Variants in MLLT10 observed in about 807,000 individuals in gnomAD.
MLLT10 encodes the protein MLLT10 histone lysine methyltransferase DOT1L cofactor.
Under a neutral mutation model 129.1 loss-of-function variants are expected in MLLT10, and 30 were observed. That is an observed-to-expected ratio of 0.23 (90% CI 0.17 to 0.32). The LOEUF (loss-of-function observed/expected upper bound fraction) is 0.32, where lower values mean the gene tolerates loss of function less well. Among genes scored for constraint, MLLT10 ranks in the 10% least tolerant of loss-of-function variants. MLLT10 has a pLI of 1.00. For synonymous variants in MLLT10, 490 were observed against 446.4 expected (o/e 1.10, Z -1.23); for missense variants, 1,119 against 1,268.3 (o/e 0.88, Z 1.79).
chr10:21,582,892 C>T (rs2041621191), intron 3 of MLLT10, among the ~76,000 whole-genome samples: 1 of 152,134 alleles, frequency 6.6e-6, no homozygotes, highest in South Asian at 2.1e-4. Flanking sequence ...TCTATGTAGG[C>T]TGGGTGAGGT....
intron 3 of MLLT10, among the ~76,000 whole-genome samples, chr10:21,573,033 A>G (rs1318188100): frequency 6.6e-6 from 1 of 152,174 alleles, no homozygotes; most frequent in Non-Finnish European, 1.5e-5. Flanking sequence ...GAATTTTTGT[A>G]TATTGACCTG....
rs565810628 is a variant in MLLT10 at position 21,695,716 on chromosome 10, G to C, written c.1699+13459G>C. Among the ~76,000 whole-genome samples the C allele has an allele frequency of 1.2e-4, 19 of 152,124 alleles. No individual in the cohort carries two copies. In the South Asian group the frequency reaches 4.0e-3, roughly 32 times the overall value. On this transcript the variant is annotated intron_variant, in intron 13 of 22. Transcript: ENST00000307729. ...TTGGATTGTGAACTTAAGTTTTATC[G>C]TGGGTTAAGGATATATCCCTTCAGA...
intron 3 of MLLT10, chr10:21,551,771 A>C: frequency 2.5e-6 from 1 of 393,438 alleles, no homozygotes; most frequent in Non-Finnish European, 4.9e-6. Context: ...TTTTTTTTAA[A>C]TTAAGTCTAA....
chr10:21,574,774 T>C (rs748084470), intron 3 of MLLT10, among the ~76,000 whole-genome samples: 2 of 152,178 alleles, frequency 1.3e-5, no homozygotes, highest in African/African-American at 2.4e-5. Flanking sequence ...TCTTAGCATG[T>C]TAATGTATTA....
intron 3 of MLLT10, among the ~76,000 whole-genome samples, chr10:21,547,651 G>A (rs2036312725): frequency 6.6e-6 from 1 of 151,500 alleles, no homozygotes; most frequent in Non-Finnish European, 1.5e-5. Context: ...CGATTCTCAT[G>A]CCTCAGCCTC....
At position 21,704,068 on chromosome 10, in the gene MLLT10, A is replaced by G. The variant is rs148732772; in HGVS notation, c.1700-9704A>G. On this transcript the variant is annotated intron_variant, in intron 13 of 22. Coordinates refer to ENST00000307729, the MANE Select transcript of MLLT10 (RefSeq NM_001195626.3). ...GGAGTGTTGCTCTGTTGCCCAGGCT[A>G]AAGTGACCCCAGTTTACTGCAGCCT... is the stretch of plus-strand genomic sequence containing the variant. 3.1e-3 allele frequency among the ~76,000 whole-genome samples: 369 copies of G among 119,468 alleles called. 2 individuals carry two copies. The highest frequency in any genetic ancestry group is 0.011 in the African/African-American group (355 of 31,024). 78.4% of individuals were successfully genotyped at this position (119,468 alleles called of 152,430 possible).
At chr10:21,699,258 T>A (rs1589705165) in intron 13 of MLLT10, among the ~76,000 whole-genome samples, 1 of 152,066 alleles carries the variant, frequency 6.6e-6, no homozygotes, top group East Asian at 1.9e-4. Context: ...TTTTAATTGT[T>A]GTTTGAGTTC....
At chr10:21,534,609 A>G (rs766588165) in intron 1 of MLLT10, 36 bp from the exon 2 acceptor site, 13 of 1,591,164 alleles carry the variant, frequency 8.2e-6, no homozygotes, top group African/African-American at 2.7e-5. Context: ...ATCGGCTTGC[A>G]TGTGTTTTTT....
intron 3 of MLLT10, among the ~76,000 whole-genome samples, chr10:21,577,470 T>G (rs2040891352): frequency 6.6e-6 from 1 of 151,278 alleles, no homozygotes; most frequent in African/African-American, 2.4e-5. Flanking sequence ...GGTTTTTTTT[T>G]TTTTTTTTTT....
chr10:21,721,991 T>G (rs1307403957), intron 14 of MLLT10, among the ~76,000 whole-genome samples: 1 of 151,906 alleles, frequency 6.6e-6, no homozygotes, highest in East Asian at 1.9e-4. Context: ...GATTCCTCTT[T>G]AAGATATTAT....
chr10:21,568,021 T>TG (rs1262548080), intron 3 of MLLT10, among the ~76,000 whole-genome samples: 2 of 152,158 alleles, frequency 1.3e-5, no homozygotes, highest in Admixed American at 6.6e-5. Context: ...TTTTGCCATG[T>TG]TGGCCAGGCT....
At chr10:21,690,926 A>C (rs2053790535) in intron 13 of MLLT10, among the ~76,000 whole-genome samples, 1 of 152,158 alleles carries the variant, frequency 6.6e-6, no homozygotes, top group African/African-American at 2.4e-5. Flanking sequence ...GAGTTCATCA[A>C]ATGGGCTTAC....
At chr10:21,677,709 A>G (rs2052327485) in intron 11 of MLLT10, among the ~76,000 whole-genome samples, 1 of 152,230 alleles carries the variant, frequency 6.6e-6, no homozygotes, top group Non-Finnish European at 1.5e-5. Context: ...TCCCACAGAC[A>G]CAGAAGACAA....
chr10:21,700,730 G>A (rs1328871459), intron 13 of MLLT10, among the ~76,000 whole-genome samples: 1 of 152,080 alleles, frequency 6.6e-6, no homozygotes, highest in Non-Finnish European at 1.5e-5. Flanking sequence ...ATGTTTTGTT[G>A]AATTCGGTTT....
intron 22 of MLLT10, among the ~76,000 whole-genome samples, chr10:21,740,721 TTA>T (rs1404558038): frequency 4.6e-5 from 7 of 152,242 alleles, no homozygotes; most frequent in African/African-American, 1.2e-4. Flanking sequence ...ATTCAAATTT[TTA>T]GTTATTAATT....
chr10:21,574,121 T>C (rs1329396579), intron 3 of MLLT10, among the ~76,000 whole-genome samples: 1 of 152,200 alleles, frequency 6.6e-6, no homozygotes, highest in Non-Finnish European at 1.5e-5. Context: ...GTCTAGAGTT[T>C]TCTTTTTGGG....
At chr10:21,646,288 C>G (rs1211443796) in intron 8 of MLLT10, among the ~76,000 whole-genome samples, 1 of 152,198 alleles carries the variant, frequency 6.6e-6, no homozygotes, top group Non-Finnish European at 1.5e-5. Flanking sequence ...CATTCTGGAA[C>G]TAAACCCAGT....
intron 9 of MLLT10, among the ~76,000 whole-genome samples, chr10:21,653,911 A>G (rs1464134660): frequency 6.6e-6 from 1 of 152,218 alleles, no homozygotes; most frequent in Non-Finnish European, 1.5e-5. Flanking sequence ...GAGTGCAGGT[A>G]GAGAAATAGG....
chr10:21,571,196 C>T (rs1274850043), intron 3 of MLLT10, among the ~76,000 whole-genome samples: 1 of 152,186 alleles, frequency 6.6e-6, no homozygotes, highest in East Asian at 1.9e-4. Context: ...GTTCTGGATG[C>T]TATTACCTCT....
Sources: allele counts gnomAD v4.1 joint callset (sites outside exome capture counted in the v4.1 genomes callset), GRCh38; gene constraint gnomAD v4.1.1; transcripts MANE v1.5; gene names NCBI Gene and HGNC (gene_info 2026-07-23, HGNC 2026-07-21).